CHST8: variants seen among roughly 807,000 people sequenced by gnomAD.
CHST8 encodes GALNAC-4-ST1.
CHST8 carries 10 observed loss-of-function variants against 15.0 expected under a neutral mutation model. The observed-to-expected ratio is 0.67, with a 90% CI of 0.41 to 1.13. The LOEUF (loss-of-function observed/expected upper bound fraction) is 1.13. CHST8 is among the 50% of genes most tolerant of loss of function. CHST8 has a pLI of 0.00. For synonymous variants in CHST8, 259 were observed against 256.6 expected (o/e 1.01, Z -0.09); for missense variants, 634 against 608.2 (o/e 1.04, Z -0.45).
chr19:33,681,514 C>A (rs1267062766), intron 2 of CHST8, among the ~76,000 whole-genome samples: 1 of 152,138 alleles, frequency 6.6e-6, no homozygotes, highest in Non-Finnish European at 1.5e-5. Flanking sequence ...TGTCATGGGA[C>A]CAACCCAGTT....
chr19:33,677,163 G>C (rs578024290), intron 2 of CHST8, among the ~76,000 whole-genome samples: 2 of 152,264 alleles, frequency 1.3e-5, no homozygotes, highest in East Asian at 3.9e-4. Flanking sequence ...GCCGGCAGGG[G>C]GGGGCACTGG....
intron 3 of CHST8, among the ~76,000 whole-genome samples, chr19:33,743,005 A>T (rs1312377529): frequency 3.3e-5 from 5 of 152,180 alleles, no homozygotes; most frequent in Non-Finnish European, 5.9e-5. Context: ...CTTCTCACTC[A>T]TGCTGGTGCT....
At position 33,659,819 on chromosome 19, in the gene CHST8, AT is replaced by A. The variant is rs199930966; in HGVS notation, c.-163-7947del. ...GAGCAAGACCCTGTTTAAAAAAAAAATAAAAATAAAGAGTGTTAAAAACTTT... is the reference window on the plus strand; with the variant it reads ...GAGCAAGACCCTGTTTAAAAAAAAAAAAAAATAAAGAGTGTTAAAAACTTT... On this transcript the variant is annotated intron_variant, in intron 1 of 4. Transcript: ENST00000650847. 8.7e-3 allele frequency among the ~76,000 whole-genome samples: 1,320 copies of A among 152,242 alleles called. 12 individuals carry two copies. The highest frequency in any genetic ancestry group is 0.03 in the African/African-American group (1,237 of 41,524).
At position 33,650,522 on chromosome 19, in the gene CHST8, T is replaced by TCTTTTC. The variant is rs1326010130; in HGVS notation, c.-163-17245_-163-17244insCTTTTC. 5.5e-4 allele frequency among the ~76,000 whole-genome samples: 43 copies of TCTTTTC among 77,950 alleles called. 2 individuals are homozygous for TCTTTTC. Among genetic ancestry groups the TCTTTTC allele is most frequent in the African/African-American group, 2.9e-3 (40 of 13,610 alleles). 51.1% of individuals were successfully genotyped at this position (77,950 alleles called of 152,430 possible). On this transcript the variant is annotated intron_variant, in intron 1 of 4. Coordinates refer to ENST00000650847, the MANE Select transcript of CHST8 (RefSeq NM_001127895.2). Reference sequence around the variant, plus strand: ...TTTTCTTTTTCTTTTTCTTTTCTTTTTTTTTTTTTTTTTTTTTTTTTTTTT... The same window carrying TCTTTTC: ...TTTTCTTTTTCTTTTTCTTTTCTTTTCTTTTCTTTTTTTTTTTTTTTTTTTTTTTTT...
At chr19:33,631,081 A>G (rs1040219771) in intron 1 of CHST8, among the ~76,000 whole-genome samples, 1 of 152,150 alleles carries the variant, frequency 6.6e-6, no homozygotes, top group Non-Finnish European at 1.5e-5. Context: ...GGCTGTCTAC[A>G]CTGATTGAGC....
chr19:33,639,086 CA>C (rs34970478), intron 1 of CHST8, among the ~76,000 whole-genome samples: 20,032 of 64,960 alleles, frequency 0.31, 761 homozygotes, highest in South Asian at 0.34. Context: ...TGATCCTGAC[CA>C]AAAAAAAAAA....
chr19:33,647,247 C>G (rs11879309), intron 1 of CHST8, among the ~76,000 whole-genome samples: 1,847 of 152,246 alleles, frequency 0.012, 43 homozygotes, highest in African/African-American at 0.042. Flanking sequence ...ATGAGGAAGA[C>G]CCAAAGCAAG....
intron 3 of CHST8, among the ~76,000 whole-genome samples, chr19:33,754,382 G>A (rs1268556877): frequency 2.0e-5 from 3 of 151,808 alleles, no homozygotes; most frequent in South Asian, 2.1e-4. Flanking sequence ...TCTAGGCTGC[G>A]GGGCTCTTCC....
chr19:33,654,491 T>G (rs1264875065), intron 1 of CHST8, among the ~76,000 whole-genome samples: 1 of 152,164 alleles, frequency 6.6e-6, no homozygotes, highest in Non-Finnish European at 1.5e-5. Context: ...CTGTGCTTCC[T>G]AGGTTGTGGA....
chr19:33,769,954 C>G (rs755155072), intron 3 of CHST8, among the ~76,000 whole-genome samples: 6 of 152,184 alleles, frequency 3.9e-5, no homozygotes, highest in Non-Finnish European at 8.8e-5. Flanking sequence ...GCATTTCTGC[C>G]TCTCTTGGGA....
chr19:33,731,311 G>A lies in CHST8; in HGVS notation c.131-40102G>A, dbSNP rs368064416. Among the ~76,000 whole-genome samples the A allele has an allele frequency of 3.3e-5, 5 of 152,216 alleles. No individual in the cohort carries two copies. In the East Asian group the frequency reaches 5.8e-4, roughly 18 times the overall value. On this transcript the variant is annotated intron_variant, in intron 3 of 4. Coordinates refer to ENST00000650847, the MANE Select transcript of CHST8 (RefSeq NM_001127895.2). Reference sequence around the variant, plus strand: ...TAAACAAGGGGTGGATTAATTATGAGTTTTCCGAGAAAGGGGTGGGCAATT... The same window carrying A: ...TAAACAAGGGGTGGATTAATTATGAATTTTCCGAGAAAGGGGTGGGCAATT...
chr19:33,632,794 A>C (rs1972139411), intron 1 of CHST8, among the ~76,000 whole-genome samples: 1 of 151,578 alleles, frequency 6.6e-6, no homozygotes, highest in Non-Finnish European at 1.5e-5. Flanking sequence ...TTTGAGATAC[A>C]GTCTCACTCT....
chr19:33,720,616 G>C (rs1973770824), intron 3 of CHST8, among the ~76,000 whole-genome samples: 1 of 152,222 alleles, frequency 6.6e-6, no homozygotes, highest in South Asian at 2.1e-4. Context: ...ACAGTGGAGG[G>C]GCAGCCCTTT....
At chr19:33,674,766 G>A (rs1197869756) in intron 2 of CHST8, among the ~76,000 whole-genome samples, 3 of 152,168 alleles carry the variant, frequency 2.0e-5, no homozygotes, top group Non-Finnish European at 4.4e-5. Context: ...GTAGAGAAGG[G>A]AGCCTCACTT....
intron 3 of CHST8, among the ~76,000 whole-genome samples, chr19:33,727,018 G>A (rs1489016060): frequency 2.0e-5 from 3 of 151,806 alleles, no homozygotes; most frequent in South Asian, 2.1e-4. Context: ...TGCCACTTTC[G>A]CTGATGCCTG....
chr19:33,759,650 C>G (rs888347114), intron 3 of CHST8, among the ~76,000 whole-genome samples: 8 of 152,236 alleles, frequency 5.3e-5, no homozygotes, highest in Non-Finnish European at 1.2e-4. Context: ...TCTCCTCCAA[C>G]TGCCCTCTGG....
Position 33,771,456 on chromosome 19 carries a change from T to C in CHST8, c.168+6T>C, listed in dbSNP as rs369106366. Reference sequence around the variant, plus strand: ...GGCCAAGGCAGCCCCACCACGTAAGTTCTGAGAGTCAGATAAATCTCAGTG... The same window carrying C: ...GGCCAAGGCAGCCCCACCACGTAAGCTCTGAGAGTCAGATAAATCTCAGTG... On this transcript the variant is annotated splice_donor_region_variant and intron_variant, in intron 4 of 4. Coordinates refer to ENST00000650847, the MANE Select transcript of CHST8 (RefSeq NM_001127895.2). 19 of 1,614,020 alleles carry C rather than the reference T, an allele frequency of 1.2e-5. No homozygotes were observed. Among genetic ancestry groups the C allele is most frequent in the Non-Finnish European group, 1.5e-5 (18 of 1,179,914 alleles).
At chr19:33,716,203 CTGTT>C (rs1413800182) in intron 3 of CHST8, among the ~76,000 whole-genome samples, 2 of 152,146 alleles carry the variant, frequency 1.3e-5, no homozygotes, top group Admixed American at 6.5e-5. Context: ...CATATTTAAA[CTGTT>C]TGTAGTTTTA....
chr19:33,739,660 G>T (rs1400031043), intron 3 of CHST8, among the ~76,000 whole-genome samples: 1 of 152,180 alleles, frequency 6.6e-6, no homozygotes, highest in Non-Finnish European at 1.5e-5. Flanking sequence ...GGAATTCAAG[G>T]TTCCTTCCAT....
Sources: gnomAD v4.1 joint callset for allele counts (sites outside exome capture counted in the v4.1 genomes callset) on GRCh38, gnomAD v4.1.1 for gene constraint, MANE v1.5 for transcripts, NCBI Gene and HGNC (gene_info 2026-07-23, HGNC 2026-07-21) for gene names.